BACH1: variants seen among roughly 807,000 people sequenced by gnomAD.
BACH1 encodes BTB domain and CNC homolog 1.
In BACH1, 35 loss-of-function variants were observed where a neutral mutation model predicts 52.9. The observed-to-expected ratio is 0.66, with a 90% CI of 0.51 to 0.88. The LOEUF (loss-of-function observed/expected upper bound fraction) is 0.88, where lower values mean the gene tolerates loss of function less well. BACH1 is among the 40% of genes least tolerant of loss of function. The pLI is 0.00. For missense variants in BACH1, 808 were observed against 872.6 expected (o/e 0.93, Z 0.93); for synonymous variants, 321 against 319.6 (o/e 1.00, Z -0.05).
intron 4 of BACH1, among the ~76,000 whole-genome samples, chr21:29,337,088 T>C (rs568019231): frequency 1.3e-5 from 2 of 152,360 alleles, no homozygotes; most frequent in African/African-American, 4.8e-5. Context: ...CTTTTTGATG[T>C]TGACATTTTT....
At chr21:29,305,095 G>C (rs986072564) in intron 1 of BACH1, 1 of 151,692 alleles carries the variant, frequency 6.6e-6, no homozygotes, top group Non-Finnish European at 1.5e-5. Flanking sequence ...TCTCAGCCTG[G>C]CCTTGGGTAC....
intron 2 of BACH1, among the ~76,000 whole-genome samples, chr21:29,356,371 A>C (rs2089234690): frequency 6.6e-6 from 1 of 152,206 alleles, no homozygotes; most frequent in Non-Finnish European, 1.5e-5. Flanking sequence ...ATTAACTTAG[A>C]ATTGGTATAG....
At chr21:29,324,556 T>TGTGTG (rs2088887682) in intron 2 of BACH1, among the ~76,000 whole-genome samples, 1 of 145,222 alleles carries the variant, frequency 6.9e-6, no homozygotes, top group Non-Finnish European at 1.5e-5. Flanking sequence ...TGGATGTACC[T>TGTGTG]TGTGTGTGTG....
chr21:29,354,981 T>G (rs965417637), intron 2 of BACH1, among the ~76,000 whole-genome samples: 1 of 151,918 alleles, frequency 6.6e-6, no homozygotes, highest in African/African-American at 2.4e-5. Flanking sequence ...AGAAGGAAGA[T>G]CAGAAGCAAG....
chr21:29,355,472 C>G (rs148234822), intron 2 of BACH1, among the ~76,000 whole-genome samples: 1,751 of 152,330 alleles, frequency 0.011, 34 homozygotes, highest in African/African-American at 0.04. Context: ...TCAATCCCCC[C>G]TCTAAACAGG....
At chr21:29,354,689 A>G (rs2089223018) in intron 2 of BACH1, among the ~76,000 whole-genome samples, 2 of 152,194 alleles carry the variant, frequency 1.3e-5, no homozygotes. Context: ...GGTTTGTGGA[A>G]CCAGGTGTTA....
At chr21:29,352,330 A>G (rs1409878565) in intron 2 of BACH1, among the ~76,000 whole-genome samples, 1 of 152,166 alleles carries the variant, frequency 6.6e-6, no homozygotes, top group African/African-American at 2.4e-5. Flanking sequence ...CTGGGATTGC[A>G]GGCGTGAGCC....
chr21:29,334,597 G>A (rs958542093), intron 4 of BACH1, among the ~76,000 whole-genome samples: 1 of 152,096 alleles, frequency 6.6e-6, no homozygotes, highest in Non-Finnish European at 1.5e-5. Context: ...AGGGAGCCTC[G>A]CTTTTTGCAG....
chr21:29,309,012 C>CT (rs972464692), intron 1 of BACH1, among the ~76,000 whole-genome samples: 2 of 152,112 alleles, frequency 1.3e-5, no homozygotes, highest in African/African-American at 4.8e-5. Context: ...AATCCCAGCA[C>CT]TATGGGAGGG....
intron 1 of BACH1, among the ~76,000 whole-genome samples, chr21:29,316,877 G>A (rs2088793524): frequency 6.6e-6 from 1 of 152,160 alleles, no homozygotes; most frequent in African/African-American, 2.4e-5. Context: ...TCAAGTCGCT[G>A]GAAAAGCTGT....
At chr21:29,319,357 G>A (rs907618181) in intron 1 of BACH1, among the ~76,000 whole-genome samples, 7 of 152,100 alleles carry the variant, frequency 4.6e-5, no homozygotes, top group Non-Finnish European at 1.0e-4. Context: ...GGGATTAAGA[G>A]AATACATTAC....
chr21:29,332,983 TC>T (rs145114904), intron 4 of BACH1, among the ~76,000 whole-genome samples: 198 of 152,360 alleles, frequency 1.3e-3, no homozygotes, highest in African/African-American at 4.5e-3. Context: ...TCAGAGTGAC[TC>T]ATTTGTGTTT....
In BACH1 at chr21:29,320,182, T is replaced by C. The variant is rs77141552; in HGVS notation, c.-60-1039T>C. Among the ~76,000 whole-genome samples, 1,007 of 152,314 alleles carry C rather than the reference T, an allele frequency of 6.6e-3. 21 individuals are homozygous for C. The highest frequency in any genetic ancestry group is 0.023 in the African/African-American group (976 of 41,570). ...TCACTGACCATTTGAAGGCTTCCCA[T>C]GTGTCAGGAGAACAGAAGTGAATGA... On this transcript the variant is annotated intron_variant, in intron 1 of 4. Transcript: ENST00000286800.
chr21:29,315,326 C>G (rs770725608), intron 1 of BACH1, among the ~76,000 whole-genome samples: 3 of 152,098 alleles, frequency 2.0e-5, no homozygotes, highest in Non-Finnish European at 4.4e-5. Context: ...GGTTAGCTTT[C>G]TTAGCTTAGG....
intron 1 of BACH1, among the ~76,000 whole-genome samples, chr21:29,305,622 A>G (rs1415008038): frequency 6.6e-6 from 1 of 152,126 alleles, no homozygotes; most frequent in Non-Finnish European, 1.5e-5. Flanking sequence ...TTTTTTGTTG[A>G]ATTAGCTTGG....
intron 2 of BACH1, among the ~76,000 whole-genome samples, chr21:29,360,666 G>A (rs1210327324): frequency 2.0e-5 from 3 of 152,046 alleles, no homozygotes; most frequent in Non-Finnish European, 4.4e-5. Context: ...CCAACATGGC[G>A]AAACCCTGTC....
downstream of BACH1, among the ~76,000 whole-genome samples, chr21:29,348,833 G>A (rs1379428270): frequency 6.6e-6 from 1 of 152,060 alleles, no homozygotes; most frequent in Non-Finnish European, 1.5e-5. Context: ...GGTGGCTCAC[G>A]CCTGTAATCC....
chr21:29,326,609 A>C lies in BACH1; in HGVS notation c.785A>C (p.Glu262Ala). 1 of 1,614,226 alleles carries C rather than the reference A, an allele frequency of 6.2e-7. No individual in the cohort carries two copies. Among genetic ancestry groups the C allele is most frequent in the East Asian group, 2.2e-5 (1 of 44,884 alleles). The change falls in exon 3 of 5, where the codon GAA becomes GCA. Residue 262 changes from glutamate to alanine, a missense_variant. Glu to Ala is a moderately radical substitution (Grantham distance 107, BLOSUM62 -1). Transcript: ENST00000286800. ...CAGCCAAATGAAAGGTCTGAAAATG[A>C]ATGCCTGGGAGGAGTCCCGGAGTGT... ...SVQPNERSEN[E>A]CLGGVPECRD... is the part of the protein sequence containing the mutation.
At chr21:29,305,822 A>C (rs1043469554) in intron 1 of BACH1, among the ~76,000 whole-genome samples, 10 of 152,244 alleles carry the variant, frequency 6.6e-5, no homozygotes, top group Non-Finnish European at 4.4e-5. Flanking sequence ...GCATTCCTAC[A>C]TGTTAGGCAT....
Sources: allele counts gnomAD v4.1 joint callset (sites outside exome capture counted in the v4.1 genomes callset), GRCh38; gene constraint gnomAD v4.1.1; transcripts MANE v1.5; gene names NCBI Gene and HGNC (gene_info 2026-07-23, HGNC 2026-07-21).